GRIK5: variants seen among roughly 807,000 people sequenced by gnomAD.
GRIK5 encodes the protein glutamate ionotropic receptor kainate type subunit 5.
In GRIK5, 43 loss-of-function variants were observed where a neutral mutation model predicts 97.4. The ratio of observed to expected loss-of-function variants is 0.44; its 90% CI spans 0.35 to 0.57. The LOEUF is 0.57. Among genes scored for constraint, GRIK5 ranks in the 20% least tolerant of loss-of-function variants. The pLI is 0.01. For missense variants in GRIK5, 1,015 were observed against 1,382.0 expected, an observed-to-expected ratio of 0.73 and a Z score of 4.21; for synonymous variants, 580 against 583.5, an observed-to-expected ratio of 0.99 and a Z score of 0.09.
At chr19:42,039,489 AAAAC>A (rs1347385243) in intron 12 of GRIK5, among the ~76,000 whole-genome samples, 6 of 152,132 alleles carry the variant, frequency 3.9e-5, no homozygotes, top group Non-Finnish European at 5.9e-5. Context: ...AACAAAAACA[AAAAC>A]AAAACTCTTC....
rs1205287806 is a variant in GRIK5, at chr19:42,002,155, G to A, written c.2514+1177C>T. ...GCTGGTGACAAGAGTGGCTTCAGTG[G>A]AGTGGCAGGGACCGATGCCAGACTG... On this transcript the variant is annotated intron_variant, in intron 19 of 19. Coordinates refer to ENST00000593562, the MANE Select transcript of GRIK5 (RefSeq NM_002088.5). The surrounding 1 kb of genome is among the most constrained non-coding windows in gnomAD (Gnocchi z 5.2). 1.4e-6 allele frequency: 1 copy of A among 717,582 alleles called. No homozygotes were observed. The highest frequency in any genetic ancestry group is 2.6e-6 in the Non-Finnish European group (1 of 385,128). 44.5% of individuals were successfully genotyped at this position (717,582 alleles called of 1,614,324 possible).
At chr19:42,061,622 GC>G (rs2076260699) in intron 5 of GRIK5, among the ~76,000 whole-genome samples, 1 of 152,200 alleles carries the variant, frequency 6.6e-6, no homozygotes, top group African/African-American at 2.4e-5. Flanking sequence ...CCCGACGTGT[GC>G]CCCGATGAAT....
intron 15 of GRIK5, among the ~76,000 whole-genome samples, chr19:42,013,408 CTTTT>C (rs961451223): frequency 8.1e-6 from 1 of 123,242 alleles, no homozygotes; most frequent in Admixed American, 8.3e-5. Context: ...TTTTTCTTTT[CTTTT>C]TTTTTTTTTT....
intron 19 of GRIK5, chr19:42,001,933 C>T: frequency 1.7e-6 from 1 of 597,942 alleles, no homozygotes; most frequent in South Asian, 2.1e-5. Flanking sequence ...AGTCTAAGGA[C>T]TGAGCCCTGG....
Position 42,005,797 on chromosome 19 carries a change from C to T in GRIK5, c.2189G>A (p.Arg730Gln), listed in dbSNP as rs781859115. Residue 730 changes from arginine (R) to glutamine (Q), a missense_variant, in exon 17 of 20, where the codon CGG becomes CAG. Arg to Gln is a conservative substitution (Grantham distance 43). Coordinates refer to ENST00000593562, the MANE Select transcript of GRIK5 (RefSeq NM_002088.5). ...CTGGGTGAGGTTGCAGTTGAGGCGC[C>T]GGTGGTATTCGTTCATGGTGGACTC... ...LLESTMNEYHRRLNCNLTQIG... is the reference protein window; with the variant it reads ...LLESTMNEYHQRLNCNLTQIG... 4.3e-6 allele frequency: 7 copies of T among 1,614,088 alleles called. No individual in the cohort carries two copies. The highest frequency in any genetic ancestry group is 1.1e-5 in the South Asian group (1 of 91,070).
intron 8 of GRIK5, 28 bp from the exon 9 acceptor site, chr19:42,054,500 A>C (rs754511680): frequency 6.2e-6 from 10 of 1,605,532 alleles, no homozygotes; most frequent in Non-Finnish European, 8.5e-6. Context: ...CGGGGGTGGG[A>C]TGGATAAGAG....
chr19:42,029,526 C>A (rs551625464), intron 12 of GRIK5, among the ~76,000 whole-genome samples: 1 of 151,990 alleles, frequency 6.6e-6, no homozygotes, highest in African/African-American at 2.4e-5. Context: ...TGCAGTGAGC[C>A]GAGATCGCGC....
Position 42,003,859 on chromosome 19 carries a change from G to T in GRIK5, c.2264-176C>A. 1 of 633,010 alleles carries T rather than the reference G, an allele frequency of 1.6e-6. No individual in the cohort carries two copies. Among genetic ancestry groups the T allele is most frequent in the Non-Finnish European group, 2.6e-6 (1 of 378,334 alleles). The allele number at this position is 633,010 out of a possible 1,614,324, so 39.2% of individuals were successfully genotyped here. ...CTCCTCTCAACACAGCAGCCAGAGAGACAGTGTTAGGAAGAGTCAGAGGCC... is the reference window on the plus strand; with the variant it reads ...CTCCTCTCAACACAGCAGCCAGAGATACAGTGTTAGGAAGAGTCAGAGGCC... On this transcript the variant is annotated intron_variant, in intron 17 of 19. Coordinates refer to ENST00000593562, the MANE Select transcript of GRIK5 (RefSeq NM_002088.5). This position sits in a 1 kb window ranked among gnomAD's most constrained non-coding sequence, Gnocchi z 4.2.
At chr19:42,017,823 G>A (rs1482973730) in intron 15 of GRIK5, among the ~76,000 whole-genome samples, 2 of 152,158 alleles carry the variant, frequency 1.3e-5, no homozygotes, top group Non-Finnish European at 2.9e-5. Flanking sequence ...TGGCCAGGAG[G>A]GCGTGAGGAA....
chr19:42,053,238 C>A (rs2076139208), intron 11 of GRIK5, among the ~76,000 whole-genome samples: 1 of 152,180 alleles, frequency 6.6e-6, no homozygotes, highest in Admixed American at 6.5e-5. Context: ...GTCGCCTCCC[C>A]TCTCTGAGCC....
intron 12 of GRIK5, among the ~76,000 whole-genome samples, chr19:42,041,957 G>A (rs535422218): frequency 4.6e-5 from 7 of 152,144 alleles, no homozygotes; most frequent in Non-Finnish European, 1.0e-4. Flanking sequence ...ACTGTCTTGC[G>A]CCCCAAAGAG....
intron 15 of GRIK5, among the ~76,000 whole-genome samples, chr19:42,008,654 GCAGGAAAATGTGACCTATAAC>G (rs1405073855): frequency 1.3e-5 from 2 of 152,022 alleles, no homozygotes. Context: ...AAACAAAGGT[GCAGGAAAATGTGACCTATAAC>G]CAAGAGAAAA....
intron 15 of GRIK5, among the ~76,000 whole-genome samples, chr19:42,018,687 G>A (rs1599765332): frequency 1.9e-4 from 7 of 37,054 alleles, no homozygotes; most frequent in South Asian, 1.9e-3. Context: ...GGGGGGGGGG[G>A]AGGAAAAGAA....
chr19:42,065,250 C>T lies in GRIK5; in HGVS notation c.217G>A (p.Asp73Asn). Residue 73 changes from aspartate (D) to asparagine (N), a missense_variant, in exon 3 of 20, where the codon GAC becomes AAC. Coordinates refer to ENST00000593562, the MANE Select transcript of GRIK5 (RefSeq NM_002088.5). This position sits in a 1 kb window ranked among gnomAD's most constrained non-coding sequence, Gnocchi z 5.8. Reference sequence around the variant, plus strand: ...GTGTCCGTGGTCTCGTACTGGCTGTCCCGCTGCAGCTCAAAGATGTCTACT... The same window carrying T: ...GTGTCCGTGGTCTCGTACTGGCTGTTCCGCTGCAGCTCAAAGATGTCTACT... Reference protein sequence around the residue: ...VEVDIFELQRDSQYETTDTMC... With the variant: ...VEVDIFELQRNSQYETTDTMC... 1 of 1,612,900 alleles carries T rather than the reference C, an allele frequency of 6.2e-7. No individual in the cohort carries two copies. The highest frequency in any genetic ancestry group is 8.5e-7 in the Non-Finnish European group (1 of 1,179,616).
In GRIK5 at chr19:42,021,335, G is replaced by C; in HGVS notation, c.1837C>G (p.Arg613Gly). The change falls in exon 15 of 20, where the codon CGG (arginine) becomes GGG (glycine). Residue 613 changes from arginine (R) to glycine (G), a missense_variant. By Grantham distance (125) the Arg-to-Gly change is moderately radical. Coordinates refer to ENST00000593562, the MANE Select transcript of GRIK5 (RefSeq NM_002088.5). The surrounding 1 kb of genome is among the most constrained non-coding windows in gnomAD (Gnocchi z 4.2). ...CTGACACAGCGCGTGGACAGCGCCC[G>C]GGGCATGATCTCCGAGCCCTGCTGC... ...FMQQGSEIMP[R>G]ALSTRCVSGV... The C allele has an allele frequency of 1.2e-6, 2 of 1,613,336 alleles. No individual in the cohort carries two copies. Among genetic ancestry groups the C allele is most frequent in the Non-Finnish European group, 1.7e-6 (2 of 1,179,886 alleles).
Position 42,005,888 on chromosome 19 carries a change from C to T in GRIK5, c.2098G>A (p.Val700Met). The change falls in exon 17 of 20, where the codon GTG becomes ATG. Residue 700 changes from valine (V) to methionine (M), a missense_variant. By Grantham distance (21) the Val-to-Met change is conservative. This residue lies in a region of GRIK5 where 229 missense variants were observed against 341.0 expected (regional missense o/e 0.67). Transcript: ENST00000593562. ...CCCTCTTCTGTGCTCTTGACGAACACGCTGGGCTGCTTCGACTGCATGTAG... is the reference window on the plus strand; with the variant it reads ...CCCTCTTCTGTGCTCTTGACGAACATGCTGGGCTGCTTCGACTGCATGTAG... Reference protein sequence around the residue: ...WNYMQSKQPSVFVKSTEEGIA... With the variant: ...WNYMQSKQPSMFVKSTEEGIA... 3 of 1,610,778 alleles carry T rather than the reference C, an allele frequency of 1.9e-6. No homozygotes were observed. The highest frequency in any genetic ancestry group is 1.1e-5 in the South Asian group (1 of 90,786).
Position 42,042,909 on chromosome 19 carries a change from G to C in GRIK5, c.1270-154C>G. ...CACATTTCTCACTTACAAATGCTCA[G>C]AGTGGGGAATAGACCTGAAAGCCAG... is the stretch of plus-strand genomic sequence containing the variant. On this transcript the variant is annotated intron_variant, in intron 11 of 19. Coordinates refer to ENST00000593562, the MANE Select transcript of GRIK5 (RefSeq NM_002088.5). This position sits in a 1 kb window ranked among gnomAD's most constrained non-coding sequence, Gnocchi z 6.9. 1.6e-6 allele frequency: 1 copy of C among 640,252 alleles called. No individual in the cohort carries two copies. Among genetic ancestry groups the C allele is most frequent in the Non-Finnish European group, 2.7e-6 (1 of 369,320 alleles). 39.7% of individuals were successfully genotyped at this position (640,252 alleles called of 1,614,324 possible). A position where few individuals can be genotyped will look rare whatever the true frequency, so the allele number is the denominator to read the frequency against.
Position 42,042,348 on chromosome 19 carries a change from TCTC to T in GRIK5, c.1473+201_1473+203del, listed in dbSNP as rs1247407428. Among the ~76,000 whole-genome samples, 1 of 152,090 alleles carries T rather than the reference TCTC, an allele frequency of 6.6e-6. No homozygotes were observed. ...CACAGGTGGTGATGCATGTACCACC[TCTC>T]CTCCTCTGTCCCATCCCACAGCACC... On this transcript the variant is annotated intron_variant, in intron 12 of 19. Transcript: ENST00000593562. The surrounding 1 kb of genome is among the most constrained non-coding windows in gnomAD (Gnocchi z 6.9).
At chr19:42,053,522 G>A (rs1599832970) in intron 11 of GRIK5, 80 bp downstream of exon 11, 3 of 862,606 alleles carry the variant, frequency 3.5e-6, no homozygotes, top group East Asian at 2.4e-5. Context: ...GCCAGCCAAT[G>A]CATCCCTCCA....
Sources: gnomAD v4.1 joint callset for allele counts (sites outside exome capture counted in the v4.1 genomes callset) on GRCh38, gnomAD v4.1.1 for gene constraint, gnomAD v4.1.1 regional missense constraint, Gnocchi (gnomAD v3.1) non-coding constraint, MANE v1.5 for transcripts, NCBI Gene and HGNC (gene_info 2026-07-23, HGNC 2026-07-21) for gene names.